DNAJB1: variants seen among roughly 807,000 people sequenced by gnomAD.
DNAJB1 encodes the protein dnaJ homolog subfamily B member 1.
In DNAJB1, 14 loss-of-function variants were observed where a neutral mutation model predicts 24.0. That is an observed-to-expected ratio of 0.58 (90% CI 0.39 to 0.91). DNAJB1 has a LOEUF of 0.91. DNAJB1 is among the 40% of genes least tolerant of loss of function. DNAJB1 has a pLI of 0.00. For synonymous variants in DNAJB1, 262 were observed against 174.4 expected (o/e 1.50, Z -3.96); for missense variants, 517 against 458.1 (o/e 1.13, Z -1.17).
chr19:14,517,067 C>T (rs368519028), intron 1 of DNAJB1, 21 bp from the exon 2 acceptor site: 1 of 1,586,374 alleles, frequency 6.3e-7, no homozygotes, highest in Non-Finnish European at 8.6e-7. Flanking sequence ...GATTTAGAAG[C>T]AGTCAGATGG....
In DNAJB1 at chr19:14,515,809, G is replaced by T; in HGVS notation, c.*131C>A. On this transcript the variant is annotated 3_prime_UTR_variant, in exon 3 of 3. Coordinates refer to ENST00000254322, the MANE Select transcript of DNAJB1 (RefSeq NM_006145.3). ...TTTGAAAGATTGTAATATATGCTCT[G>T]GAAAACATTCAGCAGTACGAAAGCC... 2 of 831,068 alleles carry T rather than the reference G, an allele frequency of 2.4e-6. No individual in the cohort carries two copies. The highest frequency in any genetic ancestry group is 2.7e-5 in the East Asian group (1 of 37,040). 51.5% of individuals were successfully genotyped at this position (831,068 alleles called of 1,614,324 possible). A position where few individuals can be genotyped will look rare whatever the true frequency, so the allele number is the denominator to read the frequency against.
upstream of DNAJB1, among the ~76,000 whole-genome samples, chr19:14,551,118 C>G (rs1014738499): frequency 6.6e-6 from 1 of 151,896 alleles, no homozygotes; most frequent in East Asian, 1.9e-4. Context: ...GTCACCCAGG[C>G]TGGAGTGCAG....
chr19:14,533,462 TC>T (rs1466782700), upstream of DNAJB1, among the ~76,000 whole-genome samples: 5 of 151,988 alleles, frequency 3.3e-5, no homozygotes, highest in Middle Eastern at 3.4e-3. Flanking sequence ...TGGGACTAAA[TC>T]CATCTTCCCA....
chr19:14,529,897 A>G (rs2072557311), upstream of DNAJB1: 2 of 825,082 alleles, frequency 2.4e-6, no homozygotes, highest in Admixed American at 2.4e-5. Flanking sequence ...CGCAGGAAGT[A>G]TTTATAAATC....
upstream of DNAJB1, among the ~76,000 whole-genome samples, chr19:14,554,904 G>C (rs1568419452): frequency 6.6e-6 from 1 of 151,818 alleles, no homozygotes; most frequent in Non-Finnish European, 1.5e-5. Context: ...TCAGCCTCCT[G>C]AGTAGCTGGG....
chr19:14,525,808 A>G (rs2072414473), intron 2 of DNAJB1, among the ~76,000 whole-genome samples: 1 of 151,918 alleles, frequency 6.6e-6, no homozygotes. Context: ...TTCAATGAAA[A>G]AAAAAAAAAG....
chr19:14,519,416 A>T (rs2072336873), upstream of DNAJB1, among the ~76,000 whole-genome samples: 2 of 152,052 alleles, frequency 1.3e-5, no homozygotes, highest in Admixed American at 6.6e-5. Context: ...CAAAAAACCC[A>T]CCAGCGCTAT....
chr19:14,518,014 G>A lies in DNAJB1; in HGVS notation c.211+125C>T, dbSNP rs779670047. 56 of 1,080,334 alleles carry A rather than the reference G, an allele frequency of 5.2e-5. 2 individuals are homozygous for A. The highest frequency in any genetic ancestry group is 2.5e-4 in the African/African-American group (15 of 59,922). The allele number at this position is 1,080,334 out of a possible 1,614,324, so 66.9% of individuals were successfully genotyped here. On this transcript the variant is annotated intron_variant, in intron 1 of 2. Coordinates refer to ENST00000254322, the MANE Select transcript of DNAJB1 (RefSeq NM_006145.3). Reference sequence around the variant, plus strand: ...GAGGGCGGAGGCCCGCGAGGCCGGAGGGCGGGGCAGCTCGGCCCCACGGCC... The same window carrying A: ...GAGGGCGGAGGCCCGCGAGGCCGGAAGGCGGGGCAGCTCGGCCCCACGGCC...
chr19:14,552,172 C>CT (rs536176918), upstream of DNAJB1, among the ~76,000 whole-genome samples: 5,190 of 133,454 alleles, frequency 0.039, 146 homozygotes, highest in Non-Finnish European at 0.055. Context: ...TTTCTTTTTT[C>CT]TTTTTTTTTT....
At chr19:14,548,828 G>A (rs2073390764) in intron 1 of DNAJB1, among the ~76,000 whole-genome samples, 1 of 151,996 alleles carries the variant, frequency 6.6e-6, no homozygotes, top group African/African-American at 2.4e-5. Context: ...GCTCACTTTG[G>A]CCTCCCAAAG....
rs771777358 is a variant in DNAJB1, at chr19:14,516,756, G to A, written c.502C>T (p.Leu168Phe). 8 of 1,614,038 alleles carry A rather than the reference G, an allele frequency of 5.0e-6. No homozygotes were observed. The highest frequency in any genetic ancestry group is 2.2e-5 in the South Asian group (2 of 91,080). Residue 168 changes from leucine to phenylalanine, a missense_variant, in exon 2 of 3, where the codon CTT becomes TTT. Transcript: ENST00000254322. ...KKQDPPVTHD[L>F]RVSLEEIYSG... is the part of the protein sequence containing the mutation. ...TAGATCTCTTCAAGGGAGACTCGAA[G>A]GTCGTGGGTGACTGGGGGATCTTGC...
upstream of DNAJB1, among the ~76,000 whole-genome samples, chr19:14,521,847 C>G (rs983220293): frequency 2.6e-5 from 4 of 152,188 alleles, no homozygotes; most frequent in African/African-American, 9.7e-5. Context: ...GTCTTGAACT[C>G]CTGACCTCAG....
chr19:14,545,178 AG>A (rs1269222064), intron 1 of DNAJB1: 1 of 456,764 alleles, frequency 2.2e-6, no homozygotes, highest in Non-Finnish European at 4.4e-6. Flanking sequence ...TCATTGCTCA[AG>A]GGTAAAACCT....
At chr19:14,524,662 A>G (rs2072398447) in intron 2 of DNAJB1, among the ~76,000 whole-genome samples, 1 of 151,252 alleles carries the variant, frequency 6.6e-6, no homozygotes, top group South Asian at 2.1e-4. Context: ...CCTGGCCAAC[A>G]TGGTGAAACC....
At chr19:14,516,439 C>A in intron 2 of DNAJB1, 27 bp downstream of exon 2, 1 of 1,601,778 alleles carries the variant, frequency 6.2e-7, no homozygotes, top group Non-Finnish European at 8.5e-7. Context: ...TCGCCCTCTA[C>A]AGACACCGCC....
chr19:14,518,481 G>GCC (rs1160077853), upstream of DNAJB1: 835 of 576,956 alleles, frequency 1.4e-3, 5 homozygotes, highest in African/African-American at 7.9e-3. Flanking sequence ...CTTCCGCCCC[G>GCC]CCCGCCCCCG....
intron 1 of DNAJB1, among the ~76,000 whole-genome samples, chr19:14,559,014 T>C (rs1400402992): frequency 1.3e-5 from 2 of 151,930 alleles, no homozygotes; most frequent in African/African-American, 4.8e-5. Context: ...AGAGCAGAGA[T>C]TGGGGTGGCA....
At position 14,518,230 on chromosome 19, in the gene DNAJB1, G is replaced by T; in HGVS notation, c.120C>A (p.Gly40=). The part of the protein sequence containing the change: ...RYHPDKNKEP[G]AEEKFKEIAE... ...CGATCTCCTTGAACTTCTCCTCGGC[G>T]CCGGGCTCCTTGTTCTTGTCCGGGT... The change falls in exon 1 of 3, where the codon GGC becomes GGA. Residue 40 remains glycine (G), a synonymous_variant. Transcript: ENST00000254322. The T allele has an allele frequency of 6.2e-7, 1 of 1,609,638 alleles. No individual in the cohort carries two copies. Among genetic ancestry groups the T allele is most frequent in the Non-Finnish European group, 8.5e-7 (1 of 1,178,432 alleles).
chr19:14,540,502 C>T (rs1459361769), intron 1 of DNAJB1, among the ~76,000 whole-genome samples: 2 of 152,136 alleles, frequency 1.3e-5, no homozygotes, highest in Admixed American at 1.3e-4. Context: ...AAGCATTCTC[C>T]TGCCTCAGCC....
Sources: allele counts gnomAD v4.1 joint callset (sites outside exome capture counted in the v4.1 genomes callset), GRCh38; gene constraint gnomAD v4.1.1; transcripts MANE v1.5; gene names NCBI Gene and HGNC (gene_info 2026-07-23, HGNC 2026-07-21).